The following ADAMTS14 variants were observed in gnomAD, a reference collection of about 807,000 sequenced individuals.
The protein encoded by ADAMTS14 is A disintegrin and metalloproteinase with thrombospondin motifs 14.
ADAMTS14 carries 100 observed loss-of-function variants against 128.6 expected under a neutral mutation model. That is an observed-to-expected ratio of 0.78 (90% CI 0.66 to 0.92). ADAMTS14 has a LOEUF of 0.92. ADAMTS14 is among the 40% of genes least tolerant of loss of function. The probability of loss-of-function intolerance (pLI) is 0.00; values close to 1 mark genes in which losing one functional copy is unlikely to be tolerated. For missense variants in ADAMTS14, 1,562 were observed against 1,658.6 expected (o/e 0.94, Z 1.01); for synonymous variants, 665 against 653.8 (o/e 1.02, Z -0.26).
Position 70,760,776 on chromosome 10 carries a change from C to T in ADAMTS14, c.3595C>T (p.Pro1199Ser), listed in dbSNP as rs1462558184. The T allele has an allele frequency of 1.2e-6, 2 of 1,612,056 alleles. No homozygotes were observed. The highest frequency in any genetic ancestry group is 1.7e-6 in the Non-Finnish European group (2 of 1,178,864). The change falls in exon 22 of 22, where the codon CCT (proline) becomes TCT (serine). Residue 1199 changes from proline (P) to serine (S), a missense_variant. Physicochemically the swap from Pro to Ser is moderately conservative, Grantham distance 74. Coordinates refer to ENST00000373207, the MANE Select transcript of ADAMTS14 (RefSeq NM_080722.4). ...WGWTQTPTPV[P>S]EDKGQPGEDL... ...CTGGACTCAGACACCTACGCCAGTC[C>T]CTGAGGACAAAGGGCAACCTGGAGA...
chr10:70,710,507 C>T lies in ADAMTS14; in HGVS notation c.870+1729C>T, dbSNP rs185893983. Among the ~76,000 whole-genome samples the T allele has an allele frequency of 2.6e-3, 395 of 152,260 alleles. 3 individuals carry two copies. Among genetic ancestry groups the T allele is most frequent in the African/African-American group, 9.0e-3 (375 of 41,542 alleles). ...AAAGATGACTGCAGTATGCCAAGGC[C>T]GGGATAGAATCACCTTATCCTCAGT... On this transcript the variant is annotated intron_variant, in intron 4 of 21. Coordinates refer to ENST00000373207, the MANE Select transcript of ADAMTS14 (RefSeq NM_080722.4).
intron 5 of ADAMTS14, among the ~76,000 whole-genome samples, chr10:70,729,585 T>C (rs1841563553): frequency 6.6e-6 from 1 of 152,116 alleles, no homozygotes; most frequent in African/African-American, 2.4e-5. Context: ...TCTGAGAAAC[T>C]GACGATTCCA....
rs1164442160 is a variant in ADAMTS14, at chr10:70,672,826, G to C, written c.24G>C (p.Leu8=). ...ACATGGCTCCACTCCGCGCGCTGCT[G>C]TCCTACCTGCTGCCTTTGCACTGTG... MAPLRAL[L]SYLLPLHCAL... Residue 8 remains leucine, a synonymous_variant, in exon 1 of 22, where the codon CTG becomes CTC. Coordinates refer to ENST00000373207, the MANE Select transcript of ADAMTS14 (RefSeq NM_080722.4). 1.5e-5 allele frequency: 23 copies of C among 1,517,314 alleles called. No individual in the cohort carries two copies. In the South Asian group the frequency reaches 2.8e-4, roughly 19 times the overall value. The allele number at this position is 1,517,314 out of a possible 1,614,324, so 94.0% of individuals were successfully genotyped here. A position where few individuals can be genotyped will look rare whatever the true frequency, so the allele number is the denominator to read the frequency against.
At chr10:70,743,313 T>C (rs12241937) in intron 12 of ADAMTS14, among the ~76,000 whole-genome samples, 20,876 of 152,256 alleles carry the variant, frequency 0.14, 2,432 homozygotes, top group African/African-American at 0.32. Context: ...GGCATTTTAC[T>C]GATTAGGGAT....
intron 12 of ADAMTS14, among the ~76,000 whole-genome samples, chr10:70,742,425 C>T (rs1842029678): frequency 1.3e-5 from 2 of 152,042 alleles, no homozygotes; most frequent in African/African-American, 4.8e-5. Flanking sequence ...CTCCCCCAGA[C>T]CCAGGTCCCT....
intron 7 of ADAMTS14, among the ~76,000 whole-genome samples, chr10:70,732,652 A>T (rs950180982): frequency 2.0e-5 from 3 of 152,182 alleles, no homozygotes; most frequent in Non-Finnish European, 2.9e-5. Flanking sequence ...TGGGTGGGTC[A>T]GTGGCAGTGT....
chr10:70,712,790 C>G (rs752374540), intron 4 of ADAMTS14, among the ~76,000 whole-genome samples: 2 of 152,238 alleles, frequency 1.3e-5, no homozygotes, highest in African/African-American at 4.8e-5. Flanking sequence ...TTTTTATTCT[C>G]TGGTTTGAGG....
At chr10:70,733,250 G>T (rs1214312483) in intron 7 of ADAMTS14, among the ~76,000 whole-genome samples, 1 of 152,224 alleles carries the variant, frequency 6.6e-6, no homozygotes, top group Non-Finnish European at 1.5e-5. Context: ...GCAGCCATCT[G>T]GGAATGTTTA....
At position 70,702,087 on chromosome 10, in the gene ADAMTS14, A is replaced by G. The variant is rs111368305; in HGVS notation, c.523-225A>G. ...GTAAAAGTGGATCTACTTTGCTGAA[A>G]GGAGGGTGGGCCCCTTTGCTCAGCT... On this transcript the variant is annotated intron_variant, in intron 2 of 21. Transcript: ENST00000373207. 2.5e-3 allele frequency among the ~76,000 whole-genome samples: 380 copies of G among 152,298 alleles called. 3 individuals carry two copies. Among genetic ancestry groups the G allele is most frequent in the African/African-American group, 8.7e-3 (362 of 41,548 alleles).
intron 2 of ADAMTS14, among the ~76,000 whole-genome samples, chr10:70,701,214 G>T (rs1191219084): frequency 6.6e-6 from 1 of 152,220 alleles, no homozygotes; most frequent in Non-Finnish European, 1.5e-5. Flanking sequence ...AGAACAGAAG[G>T]AGGTGGGAAA....
At chr10:70,750,065 C>T (rs1199749069) in intron 16 of ADAMTS14, 80 bp downstream of exon 16, 48 of 1,549,810 alleles carry the variant, frequency 3.1e-5, no homozygotes, top group African/African-American at 5.4e-5. Context: ...GCCAAGCCAG[C>T]GTGACACCAT....
At chr10:70,692,981 T>C (rs1426685771) in intron 2 of ADAMTS14, among the ~76,000 whole-genome samples, 2 of 152,212 alleles carry the variant, frequency 1.3e-5, no homozygotes, top group Non-Finnish European at 2.9e-5. Context: ...TTCTGCAGGC[T>C]GTACCAGCAT....
chr10:70,736,578 G>A, intron 9 of ADAMTS14, 102 bp from the exon 10 acceptor site: 1 of 1,023,156 alleles, frequency 9.8e-7, no homozygotes, highest in Non-Finnish European at 1.4e-6. Flanking sequence ...GCAGTGCCCT[G>A]GGTGCCTGCA....
Position 70,708,652 on chromosome 10 carries a change from G to A in ADAMTS14, c.744G>A (p.Glu248=). ...GLVGDQLGDT[E]RKRRHAKPGS... Reference sequence around the variant, plus strand: ...TGGGGGACCAGCTGGGCGACACAGAGCGGAAGCGGCGGCATGCCAAGCCAG... The same window carrying A: ...TGGGGGACCAGCTGGGCGACACAGAACGGAAGCGGCGGCATGCCAAGCCAG... The change falls in exon 4 of 22, where the codon GAG becomes GAA. Residue 248 remains glutamate (E), a synonymous_variant. Coordinates refer to ENST00000373207, the MANE Select transcript of ADAMTS14 (RefSeq NM_080722.4). 6.2e-7 allele frequency: 1 copy of A among 1,613,672 alleles called. No individual in the cohort carries two copies.
At chr10:70,759,230 A>G (rs1842552773) in intron 21 of ADAMTS14, among the ~76,000 whole-genome samples, 1 of 149,900 alleles carries the variant, frequency 6.7e-6, no homozygotes, top group African/African-American at 2.5e-5. Flanking sequence ...TGGTTCCAGA[A>G]ATCTGGCGCC....
In ADAMTS14 at chr10:70,745,256, G is replaced by T. The variant is rs757243301; in HGVS notation, c.2213G>T (p.Gly738Val). 1 of 1,612,442 alleles carries T rather than the reference G, an allele frequency of 6.2e-7. No homozygotes were observed. Among genetic ancestry groups the T allele is most frequent in the Non-Finnish European group, 8.5e-7 (1 of 1,179,996 alleles). Reference sequence around the variant, plus strand: ...CTCAAGCTGGTGCAGATCCCAGCAGGTGCCAGGCACATCCAGATTGAGGCA... The same window carrying T: ...CTCAAGCTGGTGCAGATCCCAGCAGTTGCCAGGCACATCCAGATTGAGGCA... ...GALKLVQIPA[G>V]ARHIQIEALE... The change falls in exon 15 of 22, where the codon GGT (glycine) becomes GTT (valine). Residue 738 changes from glycine (G) to valine (V), a missense_variant. Gly to Val is a moderately radical substitution (Grantham distance 109). Transcript: ENST00000373207.
chr10:70,704,321 G>C (rs1840583812), intron 3 of ADAMTS14, among the ~76,000 whole-genome samples: 1 of 151,898 alleles, frequency 6.6e-6, no homozygotes, highest in African/African-American at 2.4e-5. Flanking sequence ...TCCTGAAAAG[G>C]GCATGTGTGG....
Position 70,757,967 on chromosome 10 carries a change from T to C in ADAMTS14, c.2943T>C (p.Ser981=). ...QWRLGAWSQC[S]ATCGEGIQQR... is the part of the protein sequence containing the mutation. Reference sequence around the variant, plus strand: ...CACTGACCCACCCACGGCAGTGCTCTGCCACCTGTGGAGAGGGCATCCAGC... The same window carrying C: ...CACTGACCCACCCACGGCAGTGCTCCGCCACCTGTGGAGAGGGCATCCAGC... Residue 981 remains serine, a synonymous_variant, in exon 20 of 22, where the codon TCT becomes TCC. Coordinates refer to ENST00000373207, the MANE Select transcript of ADAMTS14 (RefSeq NM_080722.4). 2 of 1,610,052 alleles carry C rather than the reference T, an allele frequency of 1.2e-6. No individual in the cohort carries two copies. The highest frequency in any genetic ancestry group is 1.7e-5 in the Admixed American group (1 of 59,824).
intron 5 of ADAMTS14, among the ~76,000 whole-genome samples, chr10:70,729,827 C>A (rs1048473447): frequency 6.6e-6 from 1 of 152,230 alleles, no homozygotes; most frequent in Non-Finnish European, 1.5e-5. Flanking sequence ...CAGAACAGCA[C>A]CTGCCTTGCA....
Sources: allele counts gnomAD v4.1 joint callset (sites outside exome capture counted in the v4.1 genomes callset), GRCh38; gene constraint gnomAD v4.1.1; transcripts MANE v1.5; gene names NCBI Gene and HGNC (gene_info 2026-07-23, HGNC 2026-07-21).